BIRC6: variants seen among roughly 807,000 people sequenced by gnomAD.
The protein encoded by BIRC6 is baculoviral IAP repeat containing 6.
Under a neutral mutation model 503.3 loss-of-function variants are expected in BIRC6, and 98 were observed. That is an observed-to-expected ratio of 0.19 (90% CI 0.17 to 0.23). The LOEUF is 0.23. BIRC6 is among the 10% of genes least tolerant of loss of function. The pLI is 1.00. For missense variants in BIRC6, 5,360 were observed against 5,806.0 expected (o/e 0.92, Z 2.50); for synonymous variants, 2,240 against 2,078.7 (o/e 1.08, Z -2.11).
At chr2:32,566,293 C>T (rs1223084689) in intron 65 of BIRC6, 1 of 152,138 alleles carries the variant, frequency 6.6e-6, no homozygotes, top group African/African-American at 2.4e-5. Context: ...GATAAGGTCT[C>T]ACTCTATGTC....
intron 66 of BIRC6, among the ~76,000 whole-genome samples, chr2:32,582,111 C>T (rs145387979): frequency 0.017 from 2,517 of 152,176 alleles, 51 homozygotes; most frequent in African/African-American, 0.058. Flanking sequence ...TGCCCCCCTC[C>T]GCCTCCCAAA....
Position 32,429,210 on chromosome 2 carries a change from A to G in BIRC6, c.2937A>G (p.Leu979=), listed in dbSNP as rs1472699120. ...ATGATATTGATGAAGCTGATATACT[A>G]GTGGATGGATCTCTTTCTAAAGGAA... ...TCDDIDEADI[L]VDGSLSKGIE... is the part of the protein sequence containing the mutation. The change falls in exon 11 of 74, where the codon CTA becomes CTG. Residue 979 remains leucine (L), a synonymous_variant. Transcript: ENST00000421745. The G allele has an allele frequency of 6.3e-7, 1 of 1,577,856 alleles. No individual in the cohort carries two copies. The highest frequency in any genetic ancestry group is 1.2e-5 in the South Asian group (1 of 86,014).
At chr2:32,402,238 C>G (rs890148249) in intron 8 of BIRC6, among the ~76,000 whole-genome samples, 3 of 152,114 alleles carry the variant, frequency 2.0e-5, no homozygotes, top group Non-Finnish European at 2.9e-5. Context: ...AAAGTATCAC[C>G]CTCTTTCACC....
chr2:32,437,702 A>G (rs926248040), intron 15 of BIRC6, among the ~76,000 whole-genome samples: 1 of 152,210 alleles, frequency 6.6e-6, no homozygotes, highest in African/African-American at 2.4e-5. Flanking sequence ...ATTTCCTTTT[A>G]GCATCATATC....
At chr2:32,377,378 T>G (rs532493532) in intron 1 of BIRC6, among the ~76,000 whole-genome samples, 1 of 152,250 alleles carries the variant, frequency 6.6e-6, no homozygotes, top group Admixed American at 6.5e-5. Flanking sequence ...GTTGTCAAAT[T>G]TTAGTAATTT....
intron 32 of BIRC6, 104 bp downstream of exon 32, chr2:32,471,228 T>G: frequency 1.4e-6 from 2 of 1,411,488 alleles, no homozygotes; most frequent in Non-Finnish European, 1.9e-6. Flanking sequence ...GCTATTGGCC[T>G]GGAGCTACCA....
chr2:32,479,701 T>C, intron 37 of BIRC6, 84 bp downstream of exon 37: 1 of 1,253,938 alleles, frequency 8.0e-7, no homozygotes, highest in Non-Finnish European at 1.1e-6. Flanking sequence ...AAAATAAAGT[T>C]GATTTTTATA....
intron 61 of BIRC6, among the ~76,000 whole-genome samples, chr2:32,535,248 A>G (rs542727606): frequency 3.3e-5 from 5 of 152,150 alleles, no homozygotes; most frequent in Admixed American, 6.5e-5. Flanking sequence ...AGCAGCAATA[A>G]CACTAACAAC....
chr2:32,469,763 C>T, intron 30 of BIRC6, 149 bp downstream of exon 30: 1 of 714,098 alleles, frequency 1.4e-6, no homozygotes, highest in East Asian at 2.5e-5. Flanking sequence ...TGAAGGGCAC[C>T]AGCACTGTGT....
At chr2:32,375,643 G>A (rs139316792) in intron 1 of BIRC6, among the ~76,000 whole-genome samples, 19 of 151,892 alleles carry the variant, frequency 1.3e-4, no homozygotes, top group East Asian at 9.7e-4. Context: ...CTGTGGTTGC[G>A]TGCCATTTCA....
At chr2:32,438,261 A>C (rs2044965709) in intron 15 of BIRC6, among the ~76,000 whole-genome samples, 1 of 152,176 alleles carries the variant, frequency 6.6e-6, no homozygotes, top group Non-Finnish European at 1.5e-5. Context: ...AAGGGGTAAC[A>C]TTGGCCAAAG....
chr2:32,437,604 C>T (rs1286261071), intron 15 of BIRC6, among the ~76,000 whole-genome samples: 3 of 152,118 alleles, frequency 2.0e-5, no homozygotes, highest in African/African-American at 7.2e-5. Flanking sequence ...ATTTCAGATT[C>T]TTTTCTGGTT....
rs745361232 is a variant in BIRC6 at position 32,465,053 on chromosome 2, TC to T, written c.5257-9del. 13 of 1,504,188 alleles carry T rather than the reference TC, an allele frequency of 8.6e-6. No individual in the cohort carries two copies. The highest frequency in any genetic ancestry group is 2.0e-5 in the Admixed American group (1 of 49,158). 93.2% of individuals were successfully genotyped at this position (1,504,188 alleles called of 1,614,324 possible). ...AATATAAAGTTAGATTTTTTTTTTT[TC>T]CCTGCTCTAGAATCCACTTGGTTCT... On this transcript the variant is annotated splice_polypyrimidine_tract_variant and intron_variant, in intron 25 of 73. Transcript: ENST00000421745.
Position 32,429,147 on chromosome 2 carries a change from T to A in BIRC6, c.2874T>A (p.Gly958=). The A allele has an allele frequency of 6.3e-7, 1 of 1,587,506 alleles. No homozygotes were observed. The highest frequency in any genetic ancestry group is 1.2e-5 in the South Asian group (1 of 85,432). Residue 958 remains glycine (G), a splice_region_variant and synonymous_variant, in exon 11 of 74, where the codon GGT becomes GGA. Transcript: ENST00000421745. ...GTDRLCACTK[G]GELHFLQIGG... ...TCTATGAAATTTACTACACTGTAGG[T>A]GGTGAGCTTCATTTTCTCCAAATTG...
At chr2:32,487,520 T>C (rs2149284387) in intron 40 of BIRC6, 127 bp from the exon 41 acceptor site, 1 of 758,970 alleles carries the variant, frequency 1.3e-6, no homozygotes, top group South Asian at 3.2e-5. Flanking sequence ...AAATATTGTT[T>C]TGAACCATTC....
intron 3 of BIRC6, among the ~76,000 whole-genome samples, chr2:32,385,474 GTAGA>G (rs2038300466): frequency 1.3e-5 from 2 of 152,194 alleles, no homozygotes; most frequent in African/African-American, 4.8e-5. Flanking sequence ...CATTAGTTTC[GTAGA>G]TAGATATTAA....
chr2:32,466,244 C>T (rs913958434), intron 26 of BIRC6, among the ~76,000 whole-genome samples: 2 of 152,098 alleles, frequency 1.3e-5, no homozygotes, highest in African/African-American at 2.4e-5. Flanking sequence ...AGCTGACCCA[C>T]CCCAAAACAA....
intron 61 of BIRC6, among the ~76,000 whole-genome samples, chr2:32,539,832 AAAATC>A (rs2057520916): frequency 6.6e-6 from 1 of 152,124 alleles, no homozygotes; most frequent in African/African-American, 2.4e-5. Flanking sequence ...ATAAAACAAA[AAAATC>A]AAAGAGAAAC....
chr2:32,471,183 G>A (rs1356420205), intron 32 of BIRC6, 59 bp downstream of exon 32: 2 of 1,536,850 alleles, frequency 1.3e-6, no homozygotes, highest in Non-Finnish European at 1.8e-6. Flanking sequence ...ATGTTGGTGG[G>A]GATTTTGAGT....
Sources: allele counts gnomAD v4.1 joint callset (sites outside exome capture counted in the v4.1 genomes callset), GRCh38; gene constraint gnomAD v4.1.1; transcripts MANE v1.5; gene names NCBI Gene and HGNC (gene_info 2026-07-23, HGNC 2026-07-21).